Variants in DENND4B observed in about 807,000 individuals in gnomAD.
DENND4B encodes DENN domain-containing protein 4B.
In DENND4B, 67 loss-of-function variants were observed where a neutral mutation model predicts 161.0. The observed-to-expected ratio is 0.42, with a 90% CI of 0.34 to 0.51. The LOEUF (loss-of-function observed/expected upper bound fraction) is 0.51, where lower values mean the gene tolerates loss of function less well. DENND4B is among the 20% of genes least tolerant of loss of function. The pLI, the probability that DENND4B is intolerant of heterozygous loss-of-function variation, is 0.08. For synonymous variants in DENND4B, 753 were observed against 813.8 expected (o/e 0.93, Z 1.27); for missense variants, 1,481 against 1,968.0 (o/e 0.75, Z 4.68).
chr1:153,940,920 C>G lies in DENND4B; in HGVS notation c.1310G>C (p.Cys437Ser), dbSNP rs753512359. ...SLRPDLLTSV[C>S]EALVSMIFPL... ...GGCACTCACCGAGACGAGGGCCTCA[C>G]AGACGCTGGTGAGCAGGTCTGGCCG... Residue 437 changes from cysteine to serine, a missense_variant, in exon 9 of 28, where the codon TGT becomes TCT. Physicochemically the swap from Cys to Ser is moderately radical, Grantham distance 112. Coordinates refer to ENST00000361217, the MANE Select transcript of DENND4B (RefSeq NM_014856.3). This position sits in a 1 kb window ranked among gnomAD's most constrained non-coding sequence, Gnocchi z 5.6. The G allele has an allele frequency of 6.3e-7, 1 of 1,579,806 alleles. No homozygotes were observed. Among genetic ancestry groups the G allele is most frequent in the Non-Finnish European group, 8.6e-7 (1 of 1,166,862 alleles).
In DENND4B at chr1:153,946,286, C is replaced by A. The variant is rs947493596; in HGVS notation, c.-24+15G>T. 1.7e-4 allele frequency: 59 copies of A among 349,640 alleles called. No homozygotes were observed. The highest frequency in any genetic ancestry group is 2.8e-4 in the Non-Finnish European group (54 of 194,520). The allele number at this position is 349,640 out of a possible 1,614,324, so 21.7% of individuals were successfully genotyped here. A position where few individuals can be genotyped will look rare whatever the true frequency, so the allele number is the denominator to read the frequency against. On this transcript the variant is annotated intron_variant, in intron 1 of 27. Coordinates refer to ENST00000361217, the MANE Select transcript of DENND4B (RefSeq NM_014856.3). This position sits in a 1 kb window ranked among gnomAD's most constrained non-coding sequence, Gnocchi z 6.3. ...GTCCCCGCCTGCCGCCCAGCCCGGT[C>A]CAGCCCCTACCTGCCTGTCCCGCGC...
chr1:153,941,775 G>GGCCGGC, intron 6 of DENND4B, 94 bp downstream of exon 6: 1 of 1,338,172 alleles, frequency 7.5e-7, no homozygotes, highest in Non-Finnish European at 1.0e-6. Context: ...CCTGTGCCCA[G>GGCCGGC]CCCTCCCCCC....
Position 153,946,675 on chromosome 1 carries a change from C to T in DENND4B, c.-398G>A, listed in dbSNP as rs1328682961. 1 of 379,044 alleles carries T rather than the reference C, an allele frequency of 2.6e-6. No homozygotes were observed. The highest frequency in any genetic ancestry group is 4.7e-6 in the Non-Finnish European group (1 of 213,772). The allele number at this position is 379,044 out of a possible 1,614,324, so 23.5% of individuals were successfully genotyped here. ...GGGCCGCGGGCGCCGCCGCTACCCC[C>T]ACCCCTCCTCCTCGGCCGGCGGCCG... On this transcript the variant is annotated 5_prime_UTR_variant, in exon 1 of 28. Coordinates refer to ENST00000361217, the MANE Select transcript of DENND4B (RefSeq NM_014856.3). This position sits in a 1 kb window ranked among gnomAD's most constrained non-coding sequence, Gnocchi z 6.3.
At chr1:153,938,815 C>T (rs1195258506) in intron 13 of DENND4B, 85 bp downstream of exon 13, 14 of 1,464,362 alleles carry the variant, frequency 9.6e-6, no homozygotes, top group Admixed American at 2.0e-5. Context: ...TGAACATGCC[C>T]GATTCCGTCT....
At position 153,937,293 on chromosome 1, in the gene DENND4B, G is replaced by A. The variant is rs928323198; in HGVS notation, c.2232+195C>T. On this transcript the variant is annotated intron_variant, in intron 15 of 27. Coordinates refer to ENST00000361217, the MANE Select transcript of DENND4B (RefSeq NM_014856.3). The surrounding 1 kb of genome is among the most constrained non-coding windows in gnomAD (Gnocchi z 4.7). ...AGAGTGCTCAGAAGACGGAGGTGAT[G>A]ATGATGATGATAATGACAGTGATAA... is the stretch of plus-strand genomic sequence containing the variant. 6.6e-6 allele frequency among the ~76,000 whole-genome samples: 1 copy of A among 152,250 alleles called. No homozygotes were observed. Among genetic ancestry groups the A allele is most frequent in the Non-Finnish European group, 1.5e-5 (1 of 68,054 alleles).
chr1:153,941,835 A>C, intron 6 of DENND4B, 34 bp downstream of exon 6: 1 of 1,538,062 alleles, frequency 6.5e-7, no homozygotes, highest in Non-Finnish European at 8.7e-7. Context: ...ATCCCTTCCT[A>C]ACCCCTTCCC....
rs374355957 is a variant in DENND4B, at chr1:153,942,328, G to A, written c.669C>T (p.Asp223=). The change falls in exon 5 of 28, where the codon GAC becomes GAT. Residue 223 remains aspartate (D), a synonymous_variant. Transcript: ENST00000361217. The surrounding 1 kb of genome is among the most constrained non-coding windows in gnomAD (Gnocchi z 6.9). ...ACTCGGGCAGCGGGAACGCCTCATT[G>A]TCCTCCTCCGGGTAGCGGCCCAGCA... The part of the protein sequence containing the change: ...AELLGRYPEE[D]NEAFPLPESV... 1.9e-6 allele frequency: 3 copies of A among 1,613,128 alleles called. No individual in the cohort carries two copies. In the African/African-American group the frequency reaches 4.0e-5, roughly 22 times the overall value.
rs1304080471 is a variant in DENND4B at position 153,930,626 on chromosome 1, T to C, written c.4281-23A>G. Reference sequence around the variant, plus strand: ...CCCCTTTAGTGGAGGCAGAAGTGTATGAGTGAGAGAAAAGGGGTGTGGAGC... The same window carrying C: ...CCCCTTTAGTGGAGGCAGAAGTGTACGAGTGAGAGAAAAGGGGTGTGGAGC... On this transcript the variant is annotated intron_variant, in intron 26 of 27. Coordinates refer to ENST00000361217, the MANE Select transcript of DENND4B (RefSeq NM_014856.3). The surrounding 1 kb of genome is among the most constrained non-coding windows in gnomAD (Gnocchi z 4.7). The C allele has an allele frequency of 4.3e-6, 7 of 1,613,744 alleles. No homozygotes were observed. In the East Asian group the frequency reaches 1.6e-4, roughly 36 times the overall value.
At chr1:153,939,146 C>A (rs1571049964) in intron 12 of DENND4B, 101 bp from the exon 13 acceptor site, 3 of 1,423,314 alleles carry the variant, frequency 2.1e-6, no homozygotes, top group Non-Finnish European at 2.9e-6. Context: ...CCCACTCAGG[C>A]CCAAAGCCAT....
At position 153,936,522 on chromosome 1, in the gene DENND4B, T is replaced by C. The variant is rs191215360; in HGVS notation, c.2439+20A>G. On this transcript the variant is annotated intron_variant, in intron 16 of 27. Coordinates refer to ENST00000361217, the MANE Select transcript of DENND4B (RefSeq NM_014856.3). This position sits in a 1 kb window ranked among gnomAD's most constrained non-coding sequence, Gnocchi z 4.1. ...GGCTCACTGGGCCTGGGTATGAGCATGGTCACATAGATTGCCTACCTCATC... is the reference window on the plus strand; with the variant it reads ...GGCTCACTGGGCCTGGGTATGAGCACGGTCACATAGATTGCCTACCTCATC... 1.5e-4 allele frequency: 230 copies of C among 1,559,798 alleles called. 1 individual carries two copies. In the African/African-American group the frequency reaches 2.7e-3, roughly 18 times the overall value.
At position 153,943,048 on chromosome 1, in the gene DENND4B, C is replaced by T; in HGVS notation, c.400G>A (p.Ala134Thr). Residue 134 changes from alanine to threonine, a missense_variant, in exon 3 of 28, where the codon GCC (alanine) becomes ACC (threonine). Around this residue, in one of 3 missense-constraint regions of DENND4B, gnomAD observed 806 missense variants for 1,134.4 expected, o/e 0.71. Transcript: ENST00000361217. ...CGGGGGTGCCCGGGGCCTGGAGGGG[C>T]CAGGTTTGCTGAGTGGCTGTAGGGT... ...TTPYSHSANL[A>T]PPGPGHPRTY... 1 of 1,614,000 alleles carries T rather than the reference C, an allele frequency of 6.2e-7. No individual in the cohort carries two copies. The highest frequency in any genetic ancestry group is 8.5e-7 in the Non-Finnish European group (1 of 1,179,876).
rs1678818657 is a variant in DENND4B at position 153,930,132 on chromosome 1, G to A, written c.*165C>T. 3 of 956,502 alleles carry A rather than the reference G, an allele frequency of 3.1e-6. No individual in the cohort carries two copies. Among genetic ancestry groups the A allele is most frequent in the Non-Finnish European group, 3.0e-6 (2 of 662,826 alleles). 59.3% of individuals were successfully genotyped at this position (956,502 alleles called of 1,614,324 possible). A position where few individuals can be genotyped will look rare whatever the true frequency, so the allele number is the denominator to read the frequency against. ...TGGTGATGGGGGAATCAGGACTTTT[G>A]GTAACAGTGGATCCCTCTTCCTGTT... On this transcript the variant is annotated 3_prime_UTR_variant, in exon 28 of 28. Transcript: ENST00000361217. This position sits in a 1 kb window ranked among gnomAD's most constrained non-coding sequence, Gnocchi z 4.7.
chr1:153,945,414 T>C (rs1411201244), intron 1 of DENND4B: 2 of 314,094 alleles, frequency 6.4e-6, no homozygotes, highest in Non-Finnish European at 1.3e-5. Flanking sequence ...TCTCAGACTA[T>C]AGGATCCTGA....
In DENND4B at chr1:153,932,524, C is replaced by A. The variant is rs1679017238; in HGVS notation, c.3760-84G>T. On this transcript the variant is annotated intron_variant, in intron 23 of 27. Coordinates refer to ENST00000361217, the MANE Select transcript of DENND4B (RefSeq NM_014856.3). The surrounding 1 kb of genome is among the most constrained non-coding windows in gnomAD (Gnocchi z 5.8). The stretch of plus-strand genomic sequence containing the variant: ...CCCACTGAGCCACCACATCCAACAG[C>A]TTTTGGGATGCCCCTTGCCCTCAAG... The A allele has an allele frequency of 6.4e-7, 1 of 1,558,376 alleles. No individual in the cohort carries two copies. The highest frequency in any genetic ancestry group is 8.7e-7 in the Non-Finnish European group (1 of 1,150,514).
In DENND4B at chr1:153,930,614, G is replaced by A; in HGVS notation, c.4281-11C>T. 2 of 1,613,960 alleles carry A rather than the reference G, an allele frequency of 1.2e-6. No homozygotes were observed. The highest frequency in any genetic ancestry group is 8.5e-7 in the Non-Finnish European group (1 of 1,179,848). ...TCACGGTAGATTCCCCTTTAGTGGAGGCAGAAGTGTATGAGTGAGAGAAAA... is the reference window on the plus strand; with the variant it reads ...TCACGGTAGATTCCCCTTTAGTGGAAGCAGAAGTGTATGAGTGAGAGAAAA... On this transcript the variant is annotated splice_polypyrimidine_tract_variant and intron_variant, in intron 26 of 27. Coordinates refer to ENST00000361217, the MANE Select transcript of DENND4B (RefSeq NM_014856.3). This position sits in a 1 kb window ranked among gnomAD's most constrained non-coding sequence, Gnocchi z 4.7.
intron 12 of DENND4B, 69 bp downstream of exon 12, chr1:153,939,520 C>T: frequency 2.6e-6 from 4 of 1,511,530 alleles, no homozygotes; most frequent in Non-Finnish European, 3.6e-6. Flanking sequence ...CTCCGCCTTT[C>T]TGACAGAGCC....
chr1:153,945,207 GA>G, intron 1 of DENND4B: 1 of 1,284,688 alleles, frequency 7.8e-7, no homozygotes, highest in Non-Finnish European at 1.0e-6. Context: ...CAGAAGCTGG[GA>G]AAAAGCCTGG....
In DENND4B at chr1:153,944,754, C is replaced by A. The variant is rs2102077489; in HGVS notation, c.-23-357G>T. ...TGTAATAGCCTTCCATGACATCATTCATGCTGGCCATGACATCATACCAAC... is the reference window on the plus strand; with the variant it reads ...TGTAATAGCCTTCCATGACATCATTAATGCTGGCCATGACATCATACCAAC... On this transcript the variant is annotated intron_variant, in intron 1 of 27. Coordinates refer to ENST00000361217, the MANE Select transcript of DENND4B (RefSeq NM_014856.3). The surrounding 1 kb of genome is among the most constrained non-coding windows in gnomAD (Gnocchi z 4.8). Among the ~76,000 whole-genome samples the A allele has an allele frequency of 6.6e-6, 1 of 152,310 alleles. No homozygotes were observed. Among genetic ancestry groups the A allele is most frequent in the East Asian group, 1.9e-4 (1 of 5,194 alleles).
At chr1:153,945,152 C>G (rs1319169807) in intron 1 of DENND4B, 7 of 1,289,558 alleles carry the variant, frequency 5.4e-6, no homozygotes, top group Middle Eastern at 4.3e-4. Flanking sequence ...CATGGCCCAA[C>G]CCCGGGGAGT....
Sources: gnomAD v4.1 joint callset for allele counts (sites outside exome capture counted in the v4.1 genomes callset) on GRCh38, gnomAD v4.1.1 for gene constraint, gnomAD v4.1.1 regional missense constraint, Gnocchi (gnomAD v3.1) non-coding constraint, MANE v1.5 for transcripts, NCBI Gene and HGNC (gene_info 2026-07-23, HGNC 2026-07-21) for gene names.